UNC13A: variants seen among roughly 807,000 people sequenced by gnomAD.
The protein encoded by UNC13A is protein unc-13 homolog A.
UNC13A carries 61 observed loss-of-function variants against 219.7 expected under a neutral mutation model. The observed-to-expected ratio is 0.28, with a 90% CI of 0.23 to 0.34. The LOEUF (loss-of-function observed/expected upper bound fraction) is 0.34, where lower values mean the gene tolerates loss of function less well. Among genes scored for constraint, UNC13A ranks in the 10% least tolerant of loss-of-function variants. UNC13A has a pLI of 1.00. For missense variants in UNC13A, 1,476 were observed against 2,270.3 expected, an observed-to-expected ratio of 0.65 and a Z score of 7.11; for synonymous variants, 920 against 884.6, an observed-to-expected ratio of 1.04 and a Z score of -0.71.
At chr19:17,664,062 C>T (rs200724451) in intron 7 of UNC13A, among the ~76,000 whole-genome samples, 34 of 151,786 alleles carry the variant, frequency 2.2e-4, no homozygotes, top group East Asian at 1.4e-3. Flanking sequence ...CAAGTGAGGC[C>T]GAGTAGCTGG....
rs369916391 is a variant in UNC13A at position 17,620,778 on chromosome 19, A to G, written c.4243-56T>C. The G allele has an allele frequency of 1.2e-5, 19 of 1,591,740 alleles. No individual in the cohort carries two copies. The African/African-American group carries it at 1.9e-4, about 16-fold the overall frequency. On this transcript the variant is annotated intron_variant, in intron 37 of 43. Transcript: ENST00000519716. ...TCTGGTGACTGTTGGGAGGATACTC[A>G]GTGGGACTTCCCTGCCCCCTCAAAG... is the stretch of plus-strand genomic sequence containing the variant.
chr19:17,664,978 T>A (rs62121695), intron 7 of UNC13A, among the ~76,000 whole-genome samples: 45,452 of 151,908 alleles, frequency 0.3, 7,931 homozygotes, highest in South Asian at 0.48. Context: ...GGTGGGCAGA[T>A]CACATGAGGT....
chr19:17,625,573 C>G (rs754563512), intron 34 of UNC13A, among the ~76,000 whole-genome samples: 1 of 151,996 alleles, frequency 6.6e-6, no homozygotes, highest in East Asian at 1.9e-4. Context: ...TTCCATGCAT[C>G]CTTCTACCCA....
intron 28 of UNC13A, 140 bp downstream of exon 28, chr19:17,632,642 T>C: frequency 7.9e-7 from 1 of 1,258,610 alleles, no homozygotes; most frequent in Non-Finnish European, 1.1e-6. Context: ...TGGCTGAGAG[T>C]GGAGAACACT....
intron 43 of UNC13A, among the ~76,000 whole-genome samples, chr19:17,609,495 T>C: frequency 6.6e-6 from 1 of 152,002 alleles, no homozygotes; most frequent in Non-Finnish European, 1.5e-5. Flanking sequence ...CAAGGCTCAA[T>C]GTAGACTCCA....
chr19:17,629,385 C>A, intron 30 of UNC13A, 62 bp from the exon 31 acceptor site: 1 of 1,443,562 alleles, frequency 6.9e-7, no homozygotes, highest in South Asian at 1.2e-5. Flanking sequence ...CGCCAGTCGT[C>A]CCATCAAGGC....
At chr19:17,672,625 G>T in intron 3 of UNC13A, 130 bp from the exon 4 acceptor site, 1 of 648,760 alleles carries the variant, frequency 1.5e-6, no homozygotes, top group Non-Finnish European at 2.6e-6. Flanking sequence ...TGTCCTAGGT[G>T]GTAGGGTAAC....
intron 31 of UNC13A, chr19:17,628,395 GAC>G (rs899810550): frequency 2.6e-5 from 5 of 190,264 alleles, no homozygotes; most frequent in Non-Finnish European, 4.3e-5. Context: ...CACAGCCATA[GAC>G]ACACACTCAC....
At chr19:17,664,931 G>A (rs767004492) in intron 7 of UNC13A, among the ~76,000 whole-genome samples, 15 of 152,166 alleles carry the variant, frequency 9.9e-5, no homozygotes, top group Non-Finnish European at 1.6e-4. Flanking sequence ...CAGGCATGGT[G>A]GCTCACACCT....
chr19:17,639,040 T>C, intron 25 of UNC13A, 43 bp downstream of exon 25: 1 of 1,538,838 alleles, frequency 6.5e-7, no homozygotes, highest in Non-Finnish European at 8.8e-7. Context: ...AGCCTGTGTC[T>C]AGTTGGCATC....
intron 41 of UNC13A, chr19:17,616,614 CAA>C (rs1417355259): frequency 2.5e-5 from 13 of 519,878 alleles, no homozygotes; most frequent in Admixed American, 1.7e-4. Flanking sequence ...GGAGGAAAAA[CAA>C]GAGAGAGAGA....
At chr19:17,666,786 C>G (rs74180831) in intron 6 of UNC13A, 82 bp from the exon 7 acceptor site, 1 of 1,124,908 alleles carries the variant, frequency 8.9e-7, no homozygotes, top group African/African-American at 1.6e-5. Flanking sequence ...TGTTCTGTCC[C>G]ATCCCGACTT....
Position 17,630,244 on chromosome 19 carries a change from C to T in UNC13A, c.3570G>A (p.Val1190=). 1 of 1,558,770 alleles carries T rather than the reference C, an allele frequency of 6.4e-7. No individual in the cohort carries two copies. Among genetic ancestry groups the T allele is most frequent in the Non-Finnish European group, 8.7e-7 (1 of 1,151,080 alleles). ...SEHALFSCSV[V]DVFSQLNQSF... ...TCTGGTTGAGTTGGGAGAAAACATC[C>T]ACCACGGAGCAGGAGAATAGGGCAT... The change falls in exon 30 of 44, where the codon GTG becomes GTA. Residue 1190 remains valine (V), a synonymous_variant. Transcript: ENST00000519716.
chr19:17,606,612 G>A (rs1568494757), intron 43 of UNC13A, among the ~76,000 whole-genome samples: 1 of 152,004 alleles, frequency 6.6e-6, no homozygotes, highest in Non-Finnish European at 1.5e-5. Flanking sequence ...AAAAATGACC[G>A]CATAGTTTTA....
Position 17,623,473 on chromosome 19 carries a change from C to A in UNC13A, c.4203+69G>T, listed in dbSNP as rs929060039. 2.8e-4 allele frequency: 370 copies of A among 1,338,194 alleles called. 1 individual carries two copies. The highest frequency in any genetic ancestry group is 6.6e-5 in the Non-Finnish European group (65 of 988,354). The allele number at this position is 1,338,194 out of a possible 1,614,324, so 82.9% of individuals were successfully genotyped here. On this transcript the variant is annotated intron_variant, in intron 36 of 43. Coordinates refer to ENST00000519716, the MANE Select transcript of UNC13A (RefSeq NM_001080421.3). ...TGGGTGGGTGGGGAGAGGGGTGCAG[C>A]GACGCGGTGGGCCGAGTCCAGACAC...
At chr19:17,638,855 C>T (rs1167544234) in intron 25 of UNC13A, among the ~76,000 whole-genome samples, 3 of 151,902 alleles carry the variant, frequency 2.0e-5, no homozygotes, top group Admixed American at 2.0e-4. Context: ...TTTTTTATGC[C>T]AAACTCAACT....
chr19:17,629,149 C>A, intron 31 of UNC13A, 91 bp downstream of exon 31: 1 of 1,108,426 alleles, frequency 9.0e-7, no homozygotes. Context: ...ACATACATAG[C>A]CCCAGGTGTC....
chr19:17,683,804 A>G (rs182514971), intron 1 of UNC13A, among the ~76,000 whole-genome samples: 4 of 152,222 alleles, frequency 2.6e-5, no homozygotes, highest in Non-Finnish European at 5.9e-5. Flanking sequence ...CCTTTAAAAC[A>G]TCAGTTGGGC....
At position 17,648,370 on chromosome 19, in the gene UNC13A, C is replaced by A. The variant is rs546824017; in HGVS notation, c.1816+61G>T. 3.5e-6 allele frequency: 5 copies of A among 1,421,768 alleles called. No homozygotes were observed. The African/African-American group carries it at 7.2e-5, about 21-fold the overall frequency. The allele number at this position is 1,421,768 out of a possible 1,614,324, so 88.1% of individuals were successfully genotyped here. On this transcript the variant is annotated intron_variant, in intron 16 of 43. Transcript: ENST00000519716. ...GCCTTGCCCTTCAGCCTTTCCCCGC[C>A]ATGCAAGCCCCGGGGCTCCCCACGC...
Sources: gnomAD v4.1 joint callset for allele counts (sites outside exome capture counted in the v4.1 genomes callset) on GRCh38, gnomAD v4.1.1 for gene constraint, MANE v1.5 for transcripts, NCBI Gene and HGNC (gene_info 2026-07-23, HGNC 2026-07-21) for gene names.